CFAP54: variants seen among roughly 807,000 people sequenced by gnomAD.
The protein encoded by CFAP54 is cilia- and flagella-associated protein 54.
In CFAP54, 290 loss-of-function variants were observed where a neutral mutation model predicts 370.4. The observed-to-expected ratio is 0.78, with a 90% CI of 0.71 to 0.86. The LOEUF (loss-of-function observed/expected upper bound fraction) is 0.86. Ranked by LOEUF, CFAP54 falls within the 40% of genes least tolerant of loss-of-function variation. The pLI is 0.00. For synonymous variants in CFAP54, 1,206 were observed against 1,236.5 expected (o/e 0.98, Z 0.52); for missense variants, 3,399 against 3,528.7 (o/e 0.96, Z 0.93).
intron 32 of CFAP54, among the ~76,000 whole-genome samples, chr12:96,636,981 C>T (rs1956670101): frequency 6.6e-6 from 1 of 152,120 alleles, no homozygotes; most frequent in Admixed American, 6.5e-5. Flanking sequence ...AATCATCACC[C>T]CACTCAATTT....
chr12:96,755,067 T>C (rs1030267211), intron 56 of CFAP54, among the ~76,000 whole-genome samples: 1 of 152,190 alleles, frequency 6.6e-6, no homozygotes, highest in African/African-American at 2.4e-5. Flanking sequence ...ATTTGAAGGC[T>C]GCAGCTCACC....
intron 20 of CFAP54, among the ~76,000 whole-genome samples, chr12:96,579,765 C>G (rs1291177443): frequency 6.6e-6 from 1 of 152,082 alleles, no homozygotes; most frequent in Non-Finnish European, 1.5e-5. Context: ...AATGAATCTT[C>G]ATTATCTTGA....
At chr12:96,708,345 CAGGT>C (rs1439634587) in intron 47 of CFAP54, among the ~76,000 whole-genome samples, 1 of 152,066 alleles carries the variant, frequency 6.6e-6, no homozygotes, top group Non-Finnish European at 1.5e-5. Flanking sequence ...CTCTGAGCAC[CAGGT>C]TTACTCTGCC....
intron 51 of CFAP54, among the ~76,000 whole-genome samples, chr12:96,740,982 C>A (rs901840046): frequency 6.6e-6 from 1 of 152,158 alleles, no homozygotes; most frequent in Non-Finnish European, 1.5e-5. Flanking sequence ...TTGAGAAACC[C>A]TGATTGAGAT....
intron 66 of CFAP54, among the ~76,000 whole-genome samples, chr12:96,846,246 C>T (rs545505740): frequency 2.0e-5 from 3 of 152,294 alleles, no homozygotes; most frequent in East Asian, 1.9e-4. Flanking sequence ...TTAAATACTT[C>T]GTCCAGGAAA....
intron 9 of CFAP54, among the ~76,000 whole-genome samples, chr12:96,531,891 A>C (rs866349434): frequency 1.9e-4 from 29 of 151,946 alleles, no homozygotes; most frequent in African/African-American, 3.1e-4. Context: ...CGCCGGGCCA[A>C]TTTTTTGTAT....
intron 23 of CFAP54, among the ~76,000 whole-genome samples, chr12:96,590,770 A>T (rs1300357909): frequency 6.6e-6 from 1 of 152,180 alleles, no homozygotes; most frequent in East Asian, 1.9e-4. Context: ...CTAAGGGGAT[A>T]TGAGAGGTAG....
intron 63 of CFAP54, among the ~76,000 whole-genome samples, chr12:96,796,305 A>G (rs1958761316): frequency 6.6e-6 from 1 of 152,102 alleles, no homozygotes; most frequent in East Asian, 1.9e-4. Context: ...TCTTGCTCTT[A>G]TTATGCTTTT....
rs149056172 is a variant in CFAP54, at chr12:96,617,626, G to A, written c.3640-3964G>A. ...CACCCTTTTCTTTTTCCAGTGCTAC[G>A]ATCACACACACATTAATTCGTGTTG... is the stretch of plus-strand genomic sequence containing the variant. On this transcript the variant is annotated intron_variant, in intron 26 of 67. Transcript: ENST00000524981. Among the ~76,000 whole-genome samples, 311 of 152,222 alleles carry A rather than the reference G, an allele frequency of 2.0e-3. 8 individuals carry two copies. In the East Asian group the frequency reaches 0.049, roughly 24 times the overall value.
At chr12:96,573,104 A>G (rs1955940153) in intron 19 of CFAP54, 2 of 892,436 alleles carry the variant, frequency 2.2e-6, no homozygotes, top group Non-Finnish European at 2.7e-6. Flanking sequence ...CTGCTGGTAT[A>G]TTTTACAGGC....
At chr12:96,576,225 A>T (rs1337535593) in intron 19 of CFAP54, among the ~76,000 whole-genome samples, 1 of 152,070 alleles carries the variant, frequency 6.6e-6, no homozygotes, top group East Asian at 1.9e-4. Flanking sequence ...TGTGTAATTC[A>T]TCAGCATAAA....
chr12:96,759,212 T>G (rs961789139), intron 58 of CFAP54, among the ~76,000 whole-genome samples: 7 of 151,838 alleles, frequency 4.6e-5, no homozygotes, highest in African/African-American at 1.7e-4. Context: ...AAATGGCCCC[T>G]CTTTTTTTAA....
chr12:96,621,884 T>TTTTTTTG, intron 27 of CFAP54, among the ~76,000 whole-genome samples, 163 bp downstream of exon 27: 1 of 128,570 alleles, frequency 7.8e-6, no homozygotes, highest in Non-Finnish European at 1.7e-5. Flanking sequence ...TGTTTTTTTT[T>TTTTTTTG]TTTTTTTTTT....
In CFAP54 at chr12:96,689,441, G is replaced by A. The variant is rs562242791; in HGVS notation, c.6081+459G>A. 2.4e-4 allele frequency among the ~76,000 whole-genome samples: 36 copies of A among 152,264 alleles called. No individual in the cohort carries two copies. In the South Asian group the frequency reaches 2.7e-3, roughly 11 times the overall value. ...CTCCCAAAGTGCTGGGATTATAGGC[G>A]TGAGCTACCATGCCTGGCCCACCTT... On this transcript the variant is annotated intron_variant, in intron 43 of 67. Transcript: ENST00000524981.
intron 22 of CFAP54, among the ~76,000 whole-genome samples, chr12:96,586,569 C>T (rs1956077722): frequency 6.6e-6 from 1 of 152,068 alleles, no homozygotes; most frequent in Admixed American, 6.6e-5. Context: ...GAAGGAACAG[C>T]TAGAGCAAAA....
rs747059710 is a variant in CFAP54, at chr12:96,681,113, A to ACCC, written c.5716+1366_5716+1368dup. Among the ~76,000 whole-genome samples, 620 of 137,410 alleles carry ACCC rather than the reference A, an allele frequency of 4.5e-3. 12 individuals are homozygous for ACCC. The highest frequency in any genetic ancestry group is 0.018 in the South Asian group (72 of 4,080). 90.1% of individuals were successfully genotyped at this position (137,410 alleles called of 152,430 possible). A position where few individuals can be genotyped will look rare whatever the true frequency, so the allele number is the denominator to read the frequency against. On this transcript the variant is annotated intron_variant, in intron 40 of 67. Coordinates refer to ENST00000524981, the MANE Select transcript of CFAP54 (RefSeq NM_001306084.2). ...ACAGAACAAAACAAAACAGAAAAGC[A>ACCC]CCCCCCCACACACACACACAAAAAG...
chr12:96,649,820 A>C, intron 34 of CFAP54, 71 bp from the exon 35 acceptor site: 1 of 970,330 alleles, frequency 1.0e-6, no homozygotes, highest in Non-Finnish European at 1.5e-6. Context: ...CTTGATCCTT[A>C]TCACCTACTG....
chr12:96,730,389 A>G (rs1957907615), intron 50 of CFAP54, among the ~76,000 whole-genome samples: 1 of 152,236 alleles, frequency 6.6e-6, no homozygotes, highest in Admixed American at 6.5e-5. Context: ...AGAAACAGCC[A>G]TAACAGAGAG....
chr12:96,677,612 A>G (rs1350987106), intron 39 of CFAP54, among the ~76,000 whole-genome samples: 1 of 152,136 alleles, frequency 6.6e-6, no homozygotes, highest in Non-Finnish European at 1.5e-5. Flanking sequence ...GATGGTGGGG[A>G]CAGGGCAGAG....
Sources: gnomAD v4.1 joint callset for allele counts (sites outside exome capture counted in the v4.1 genomes callset) on GRCh38, gnomAD v4.1.1 for gene constraint, MANE v1.5 for transcripts, NCBI Gene and HGNC (gene_info 2026-07-23, HGNC 2026-07-21) for gene names.